TBRG4: variants seen among roughly 807,000 people sequenced by gnomAD.
TBRG4 encodes FAST kinase domain-containing protein 4.
A neutral mutation model predicts 65.6 loss-of-function variants in TBRG4; 43 were observed. The observed-to-expected ratio is 0.66, with a 90% CI of 0.51 to 0.85. TBRG4 has a LOEUF of 0.85. Among genes scored for constraint, TBRG4 ranks in the 40% least tolerant of loss-of-function variants. TBRG4 has a pLI of 0.00. For synonymous variants in TBRG4, 366 were observed against 341.4 expected (o/e 1.07, Z -0.79); for missense variants, 709 against 787.9 (o/e 0.90, Z 1.20).
At chr7:45,102,296 C>G in intron 7 of TBRG4, 51 bp downstream of exon 7, 1 of 1,611,100 alleles carries the variant, frequency 6.2e-7, no homozygotes, top group South Asian at 1.1e-5. Context: ...ACTAGGCAGA[C>G]AAGACCAGGC....
intron 1 of TBRG4, among the ~76,000 whole-genome samples, chr7:45,110,221 G>A (rs1297566505): frequency 6.6e-6 from 1 of 152,232 alleles, no homozygotes; most frequent in African/African-American, 2.4e-5. Context: ...ATTTTAAACA[G>A]GCCTTGCACT....
chr7:45,109,205 G>A lies in TBRG4; in HGVS notation c.33C>T (p.Cys11=), dbSNP rs376332130. The change falls in exon 2 of 11, where the codon TGC becomes TGT. Residue 11 remains cysteine, a synonymous_variant. Coordinates refer to ENST00000258770, the MANE Select transcript of TBRG4 (RefSeq NM_004749.4). MAAHLVKRCT[C]LLREAARQAP... Reference sequence around the variant, plus strand: ...CCTGACGAGCAGCTTCTCTCAGGAGGCACGTGCATCGCTTTACCAGGTGAG... The same window carrying A: ...CCTGACGAGCAGCTTCTCTCAGGAGACACGTGCATCGCTTTACCAGGTGAG... The A allele has an allele frequency of 6.2e-7, 1 of 1,610,004 alleles. No individual in the cohort carries two copies. The highest frequency in any genetic ancestry group is 1.3e-5 in the African/African-American group (1 of 74,922).
chr7:45,101,722 T>C, intron 8 of TBRG4, 103 bp downstream of exon 8: 1 of 1,595,564 alleles, frequency 6.3e-7, no homozygotes, highest in Non-Finnish European at 8.5e-7. Flanking sequence ...GCTGACACCC[T>C]GCAGCTCCCT....
At chr7:45,109,970 C>A (rs1412915071) in intron 1 of TBRG4, among the ~76,000 whole-genome samples, 123 of 107,868 alleles carry the variant, frequency 1.1e-3, no homozygotes, top group African/African-American at 1.7e-3. Flanking sequence ...GACTCCATCT[C>A]AAAAAAAAAA....
At chr7:45,104,735 C>G (rs1562935924) in intron 3 of TBRG4, 26 bp from the exon 4 acceptor site, 1 of 1,609,166 alleles carries the variant, frequency 6.2e-7, no homozygotes, top group Non-Finnish European at 8.5e-7. Flanking sequence ...GCGCAGAGGT[C>G]AGCTCAATGG....
chr7:45,108,941 T>C lies in TBRG4; in HGVS notation c.297A>G (p.Gln99=), dbSNP rs1562938182. ...LGGSHDLDSN[Q]AAMVLIRLSH... is the part of the protein sequence containing the mutation. ...AGAGCCGGATAAGTACCATTGCTGC[T>C]TGATTGCTGTCCAAGTCGTGACTGC... Residue 99 remains glutamine (Q), a synonymous_variant, in exon 2 of 11, where the codon CAA becomes CAG. Transcript: ENST00000258770. 6.2e-7 allele frequency: 1 copy of C among 1,612,580 alleles called. No individual in the cohort carries two copies. Among genetic ancestry groups the C allele is most frequent in the Non-Finnish European group, 8.5e-7 (1 of 1,179,310 alleles).
intron 2 of TBRG4, chr7:45,106,290 A>C: frequency 3.2e-6 from 1 of 314,262 alleles, no homozygotes; most frequent in Non-Finnish European, 6.4e-6. Flanking sequence ...TGAAGTTTTG[A>C]CCTAATGTAG....
At position 45,102,583 on chromosome 7, in the gene TBRG4, G is replaced by A. The variant is rs1025011474; in HGVS notation, c.1177-92C>T. 96 of 1,531,734 alleles carry A rather than the reference G, an allele frequency of 6.3e-5. 2 individuals carry two copies. In the Admixed American group the frequency reaches 1.8e-3, roughly 28 times the overall value. 94.9% of individuals were successfully genotyped at this position (1,531,734 alleles called of 1,614,324 possible). On this transcript the variant is annotated intron_variant, in intron 6 of 10. Coordinates refer to ENST00000258770, the MANE Select transcript of TBRG4 (RefSeq NM_004749.4). ...AGACACAATCCATGATGTGGTCTTG[G>A]CCTGGTTGGGATGAGGCCAGAGGAG...
chr7:45,102,926 C>T lies in TBRG4; in HGVS notation c.1176+407G>A, dbSNP rs1176565569. On this transcript the variant is annotated intron_variant, in intron 6 of 10. Coordinates refer to ENST00000258770, the MANE Select transcript of TBRG4 (RefSeq NM_004749.4). Reference sequence around the variant, plus strand: ...TAATTGTTCTCAGGACTGTGCCAGACAAACCCCTGATGGAATCCCAGGGAG... The same window carrying T: ...TAATTGTTCTCAGGACTGTGCCAGATAAACCCCTGATGGAATCCCAGGGAG... The T allele has an allele frequency of 1.6e-5, 5 of 316,036 alleles. No individual in the cohort carries two copies. The Admixed American group carries it at 1.8e-4, about 11-fold the overall frequency. The allele number at this position is 316,036 out of a possible 1,614,324, so 19.6% of individuals were successfully genotyped here. A position where few individuals can be genotyped will look rare whatever the true frequency, so the allele number is the denominator to read the frequency against.
chr7:45,103,427 GCT>G lies in TBRG4; in HGVS notation c.1080_1081del (p.Arg360SerfsTer35). 1.9e-6 allele frequency: 3 copies of G among 1,613,348 alleles called. No homozygotes were observed. Among genetic ancestry groups the G allele is most frequent in the Non-Finnish European group, 2.5e-6 (3 of 1,179,574 alleles). ...CAGGTGGGGCAGGGTGATGTCCTGC[GCT>G]CTGTTCAGGACGTGCTGGGTGGGTC... On this transcript the variant is annotated frameshift_variant, in exon 6 of 11. Transcript: ENST00000258770. LOFTEE classifies it high-confidence loss of function.
intron 2 of TBRG4, among the ~76,000 whole-genome samples, 187 bp downstream of exon 2, chr7:45,108,640 A>G (rs1373009696): frequency 1.3e-5 from 2 of 152,246 alleles, no homozygotes; most frequent in Non-Finnish European, 2.9e-5. Flanking sequence ...TTTACCTAAC[A>G]GGCCTCTTGT....
chr7:45,111,644 C>G lies in TBRG4; in HGVS notation c.-52G>C. ...TTCTCCCCGTGCCACAAGACCTACG[C>G]AGCGAGCACCACCGCTGACCTCCAT... is the stretch of plus-strand genomic sequence containing the variant. On this transcript the variant is annotated splice_region_variant and 5_prime_UTR_variant, in exon 1 of 11. Transcript: ENST00000258770. 1 of 1,289,492 alleles carries G rather than the reference C, an allele frequency of 7.8e-7. No individual in the cohort carries two copies. The highest frequency in any genetic ancestry group is 1.0e-6 in the Non-Finnish European group (1 of 988,870). The allele number at this position is 1,289,492 out of a possible 1,614,324, so 79.9% of individuals were successfully genotyped here. A position where few individuals can be genotyped will look rare whatever the true frequency, so the allele number is the denominator to read the frequency against.
At chr7:45,104,482 A>T in intron 4 of TBRG4, 56 bp downstream of exon 4, 1 of 1,612,648 alleles carries the variant, frequency 6.2e-7, no homozygotes. Flanking sequence ...ACACGGCTGC[A>T]GGCATCTGCA....
At chr7:45,101,654 T>A in intron 8 of TBRG4, 40 bp from the exon 9 acceptor site, 1 of 1,605,480 alleles carries the variant, frequency 6.2e-7, no homozygotes, top group Non-Finnish European at 8.5e-7. Context: ...TTGGGGGACA[T>A]CCCTCAGAAA....
chr7:45,105,674 C>A lies in TBRG4; in HGVS notation c.502G>T (p.Val168Leu). ...ATGCGCCAGCGGACCTCCTGCTCCA[C>A]CGACTGCAGCTCCTTGGAGGCCTTG... The part of the protein sequence containing the change: ...IPKASKELQS[V>L]EQEVRWRMRK... Residue 168 changes from valine to leucine, a missense_variant, in exon 3 of 11, where the codon GTG becomes TTG. Val to Leu is a conservative substitution (Grantham distance 32, BLOSUM62 1). Transcript: ENST00000258770. 1 of 1,614,092 alleles carries A rather than the reference C, an allele frequency of 6.2e-7. No homozygotes were observed. Among genetic ancestry groups the A allele is most frequent in the Non-Finnish European group, 8.5e-7 (1 of 1,180,042 alleles).
At position 45,105,740 on chromosome 7, in the gene TBRG4, G is replaced by A. The variant is rs769644749; in HGVS notation, c.436C>T (p.Leu146Phe). Reference protein sequence around the residue: ...SQIASVWHGTLSKLLGSLYAL... With the variant: ...SQIASVWHGTFSKLLGSLYAL... ...TACAGGCTTCCCAGCAGCTTCGAGAGGGTACCATGCCAGACCGAGGCAATC... is the reference window on the plus strand; with the variant it reads ...TACAGGCTTCCCAGCAGCTTCGAGAAGGTACCATGCCAGACCGAGGCAATC... Residue 146 changes from leucine (L) to phenylalanine (F), a missense_variant, in exon 3 of 11, where the codon CTC becomes TTC. Transcript: ENST00000258770. 6.2e-7 allele frequency: 1 copy of A among 1,612,362 alleles called. No homozygotes were observed. The highest frequency in any genetic ancestry group is 1.7e-5 in the Admixed American group (1 of 59,972).
At chr7:45,105,157 G>A (rs1027025014) in intron 3 of TBRG4, 16 of 639,704 alleles carry the variant, frequency 2.5e-5, no homozygotes, top group Admixed American at 1.5e-4. Flanking sequence ...TCTCAAGATC[G>A]TGCTGTGATG....
At chr7:45,106,065 T>C (rs377176939) in intron 2 of TBRG4, 19 of 623,214 alleles carry the variant, frequency 3.0e-5, no homozygotes, top group Middle Eastern at 3.0e-4. Flanking sequence ...GTGCCTACCA[T>C]AGACAGGGCA....
At chr7:45,103,773 C>G in intron 5 of TBRG4, 1 of 514,676 alleles carries the variant, frequency 1.9e-6, no homozygotes, top group Admixed American at 3.5e-5. Context: ...CTGTACAGTT[C>G]CACTTTGCGA....
Sources: allele counts gnomAD v4.1 joint callset (sites outside exome capture counted in the v4.1 genomes callset), GRCh38; gene constraint gnomAD v4.1.1; transcripts MANE v1.5; gene names NCBI Gene and HGNC (gene_info 2026-07-23, HGNC 2026-07-21).